The following SUCLG2 variants were observed in gnomAD, a reference collection of about 807,000 sequenced individuals.
SUCLG2 encodes the protein succinate--CoA ligase [GDP-forming] subunit beta, mitochondrial.
In SUCLG2, 42 loss-of-function variants were observed where a neutral mutation model predicts 47.9. The ratio of observed to expected loss-of-function variants is 0.88; its 90% confidence interval spans 0.69 to 1.14. The LOEUF is 1.14. Ranked by LOEUF, SUCLG2 falls within the 50% of genes most tolerant of loss-of-function variation. The probability of loss-of-function intolerance (pLI) is 0.00; values close to 1 mark genes in which losing one functional copy is unlikely to be tolerated. For synonymous variants in SUCLG2, 195 were observed against 197.3 expected (o/e 0.99, Z 0.10); for missense variants, 571 against 525.9 (o/e 1.09, Z -0.84).
intron 9 of SUCLG2, among the ~76,000 whole-genome samples, chr3:67,427,509 G>A (rs921629514): frequency 1.3e-5 from 2 of 152,148 alleles, no homozygotes; most frequent in Non-Finnish European, 2.9e-5. Flanking sequence ...AGTTAAATAG[G>A]AAGAGGTTCC....
intron 10 of SUCLG2, among the ~76,000 whole-genome samples, chr3:67,364,481 G>A (rs553776784): frequency 1.1e-4 from 16 of 152,106 alleles, no homozygotes; most frequent in Admixed American, 6.5e-4. Context: ...GTGCTAGTGG[G>A]GCCATGAGGG....
At chr3:67,609,412 C>A in intron 2 of SUCLG2, 43 bp downstream of exon 2, 1 of 1,582,892 alleles carries the variant, frequency 6.3e-7, no homozygotes, top group East Asian at 2.2e-5. Context: ...TGTGAATTCA[C>A]TGATTTGGGC....
chr3:67,466,960 G>A (rs9862622), intron 9 of SUCLG2, among the ~76,000 whole-genome samples: 7,383 of 152,260 alleles, frequency 0.048, 269 homozygotes, highest in African/African-American at 0.091. Flanking sequence ...CCCTGGAGGG[G>A]AAAAGTATAT....
intron 9 of SUCLG2, among the ~76,000 whole-genome samples, chr3:67,439,302 G>A (rs971916957): frequency 1.3e-5 from 2 of 152,158 alleles, no homozygotes; most frequent in Non-Finnish European, 2.9e-5. Context: ...GCAAAAGCTG[G>A]AAGTATTTCC....
intron 10 of SUCLG2, among the ~76,000 whole-genome samples, chr3:67,391,873 T>C (rs1046056291): frequency 2.6e-5 from 4 of 152,126 alleles, no homozygotes; most frequent in South Asian, 4.2e-4. Context: ...CGGAGTTAAT[T>C]TTCCATCTTC....
intron 9 of SUCLG2, among the ~76,000 whole-genome samples, chr3:67,446,614 A>G (rs867906868): frequency 5.9e-4 from 83 of 140,364 alleles, no homozygotes; most frequent in Non-Finnish European, 1.0e-3. Flanking sequence ...TTTTTTTTTT[A>G]GTAGAGATGG....
chr3:67,528,389 GCTCA>G (rs1706312297), intron 3 of SUCLG2, among the ~76,000 whole-genome samples, 167 bp from the exon 4 acceptor site: 1 of 152,140 alleles, frequency 6.6e-6, no homozygotes, highest in Non-Finnish European at 1.5e-5. Flanking sequence ...TGTACTAGAG[GCTCA>G]CTGAGAGCAA....
At chr3:67,464,413 C>T (rs1023593545) in intron 9 of SUCLG2, among the ~76,000 whole-genome samples, 2 of 152,304 alleles carry the variant, frequency 1.3e-5, no homozygotes, top group African/African-American at 4.8e-5. Context: ...AATGGGACAT[C>T]CCCAATTCCA....
At chr3:67,408,882 T>C (rs1419647228) in intron 9 of SUCLG2, 18 of 1,475,756 alleles carry the variant, frequency 1.2e-5, no homozygotes, top group Non-Finnish European at 1.6e-5. Flanking sequence ...TCCATGTTCG[T>C]TCCACTCCCT....
At chr3:67,486,100 A>G (rs556838992) in intron 9 of SUCLG2, among the ~76,000 whole-genome samples, 1 of 152,032 alleles carries the variant, frequency 6.6e-6, no homozygotes, top group Non-Finnish European at 1.5e-5. Flanking sequence ...CCCTGTCTCT[A>G]CAAAACAAAA....
At chr3:67,522,719 A>G (rs1706142547) in intron 4 of SUCLG2, among the ~76,000 whole-genome samples, 1 of 145,964 alleles carries the variant, frequency 6.9e-6, no homozygotes, top group African/African-American at 2.6e-5. Flanking sequence ...GCTGGAGTGC[A>G]GTGGCGCGAT....
intron 2 of SUCLG2, among the ~76,000 whole-genome samples, chr3:67,593,969 G>C (rs927986987): frequency 6.6e-6 from 1 of 152,212 alleles, no homozygotes; most frequent in Non-Finnish European, 1.5e-5. Flanking sequence ...GCAACAAGGA[G>C]CTTGAAACAT....
chr3:67,595,011 C>T (rs891747405), intron 2 of SUCLG2, among the ~76,000 whole-genome samples: 1 of 152,108 alleles, frequency 6.6e-6, no homozygotes, highest in African/African-American at 2.4e-5. Context: ...AACTACTTTG[C>T]TTAAGTCAAA....
At chr3:67,575,421 G>C (rs1707718050) in intron 2 of SUCLG2, among the ~76,000 whole-genome samples, 1 of 152,180 alleles carries the variant, frequency 6.6e-6, no homozygotes, top group Non-Finnish European at 1.5e-5. Context: ...TATGAAGCCA[G>C]ATACAAAGAG....
At chr3:67,563,971 A>AT (rs1707383503) in intron 2 of SUCLG2, among the ~76,000 whole-genome samples, 1 of 148,982 alleles carries the variant, frequency 6.7e-6, no homozygotes, top group Non-Finnish European at 1.5e-5. Context: ...AAAAAAAAAA[A>AT]AAAAAAAGAA....
At chr3:67,647,411 T>C (rs1000974730) in intron 1 of SUCLG2, among the ~76,000 whole-genome samples, 11 of 152,304 alleles carry the variant, frequency 7.2e-5, no homozygotes, top group East Asian at 5.8e-4. Flanking sequence ...GAACCCAGAA[T>C]ACCAGGAAAC....
intron 10 of SUCLG2, among the ~76,000 whole-genome samples, chr3:67,393,379 T>TGGCTCAGAGGGTCCTACGCCCAC (rs1702440880): frequency 2.0e-5 from 3 of 152,206 alleles, no homozygotes. Context: ...ATCCCGCACA[T>TGGCTCAGAGGGTCCTACGCCCAC]GGCTCAGAGG....
intron 2 of SUCLG2, among the ~76,000 whole-genome samples, chr3:67,546,928 T>C (rs1706880851): frequency 6.6e-6 from 1 of 152,136 alleles, no homozygotes; most frequent in African/African-American, 2.4e-5. Flanking sequence ...AAAAGATTCA[T>C]ATTGCATCAT....
chr3:67,403,549 T>C (rs913371743), intron 9 of SUCLG2, among the ~76,000 whole-genome samples: 1 of 152,246 alleles, frequency 6.6e-6, no homozygotes, highest in African/African-American at 2.4e-5. Flanking sequence ...ATTCAAAGAC[T>C]AGTTTGAGAG....
Sources: allele counts gnomAD v4.1 joint callset (sites outside exome capture counted in the v4.1 genomes callset), GRCh38; gene constraint gnomAD v4.1.1; transcripts MANE v1.5; gene names NCBI Gene and HGNC (gene_info 2026-07-23, HGNC 2026-07-21).